STX12: variants seen among roughly 807,000 people sequenced by gnomAD.
The protein encoded by STX12 is syntaxin-12.
In STX12, 17 loss-of-function variants were observed where a neutral mutation model predicts 42.2. That is an observed-to-expected ratio of 0.40 (90% CI 0.28 to 0.60). The LOEUF is 0.60. STX12 is among the 20% of genes least tolerant of loss of function. The pLI, the probability that STX12 is intolerant of heterozygous loss-of-function variation, is 0.39. For missense variants in STX12, 297 were observed against 330.9 expected (o/e 0.90, Z 0.79); for synonymous variants, 108 against 116.7 (o/e 0.93, Z 0.48).
intron 8 of STX12, among the ~76,000 whole-genome samples, chr1:27,821,452 G>A (rs559397994): frequency 3.9e-5 from 6 of 151,938 alleles, no homozygotes; most frequent in Non-Finnish European, 8.8e-5. Context: ...ATCATACAAT[G>A]TGATCCAGTT....
intron 1 of STX12, among the ~76,000 whole-genome samples, chr1:27,777,954 A>G (rs1439796062): frequency 6.6e-6 from 1 of 152,096 alleles, no homozygotes; most frequent in Admixed American, 6.5e-5. Context: ...GAAATCTGAA[A>G]TTGATGGGAT....
chr1:27,804,582 C>T (rs1275159255), intron 4 of STX12, among the ~76,000 whole-genome samples: 5 of 151,554 alleles, frequency 3.3e-5, no homozygotes, highest in African/African-American at 9.7e-5. Flanking sequence ...GAGGCTGAGG[C>T]GGGCAGATCA....
At position 27,824,023 on chromosome 1, in the gene STX12, G is replaced by A. The variant is rs1571537150; in HGVS notation, c.*1694G>A. ...TATATCGGTACGTCTGAGCCCAAGA[G>A]TTCAAGATCAGCCTGGGCAGTATAG... On this transcript the variant is annotated 3_prime_UTR_variant, in exon 9 of 9. Coordinates refer to ENST00000373943, the MANE Select transcript of STX12 (RefSeq NM_177424.3). 2 of 152,020 alleles carry A rather than the reference G, an allele frequency of 1.3e-5. No homozygotes were observed. Among genetic ancestry groups the A allele is most frequent in the South Asian group, 4.2e-4 (2 of 4,808 alleles). The allele number at this position is 152,020 out of a possible 1,614,324, so 9.4% of individuals were successfully genotyped here.
intron 1 of STX12, among the ~76,000 whole-genome samples, chr1:27,783,097 G>T (rs1410301822): frequency 7.2e-6 from 1 of 139,554 alleles, no homozygotes; most frequent in Non-Finnish European, 1.5e-5. Flanking sequence ...AATATAATTT[G>T]ACTTTGATTT....
intron 6 of STX12, among the ~76,000 whole-genome samples, chr1:27,817,159 A>G (rs948262337): frequency 2.6e-5 from 4 of 152,286 alleles, no homozygotes; most frequent in Admixed American, 6.5e-5. Context: ...GGATTTTGCC[A>G]ATGTTAAATT....
chr1:27,807,009 AT>A (rs2088866638), intron 4 of STX12, among the ~76,000 whole-genome samples: 1 of 152,080 alleles, frequency 6.6e-6, no homozygotes, highest in African/African-American at 2.4e-5. Context: ...TCGAGACGAG[AT>A]TTGAGTGGGG....
intron 3 of STX12, among the ~76,000 whole-genome samples, chr1:27,800,327 G>A (rs538984580): frequency 7.2e-5 from 11 of 152,116 alleles, no homozygotes; most frequent in African/African-American, 2.7e-4. Flanking sequence ...GATTATTCCT[G>A]CCCTCTGAAC....
chr1:27,790,948 A>AT (rs968525843), intron 2 of STX12, among the ~76,000 whole-genome samples: 8 of 151,008 alleles, frequency 5.3e-5, no homozygotes, highest in Non-Finnish European at 1.0e-4. Flanking sequence ...TCTCAAAAAA[A>AT]TAAAAATAAA....
intron 4 of STX12, among the ~76,000 whole-genome samples, chr1:27,803,613 TGAA>T (rs2088840387): frequency 6.6e-6 from 1 of 151,864 alleles, no homozygotes; most frequent in Non-Finnish European, 1.5e-5. Flanking sequence ...CAGAAAGAAA[TGAA>T]GAACAAAAAA....
In STX12 at chr1:27,823,259, A is replaced by G. The variant is rs1424250690; in HGVS notation, c.*930A>G. Reference sequence around the variant, plus strand: ...CCCTACCTTATAAGGGTTGCTGGGCATTTGAAGGCAGGAAGATTTTTAAAG... The same window carrying G: ...CCCTACCTTATAAGGGTTGCTGGGCGTTTGAAGGCAGGAAGATTTTTAAAG... On this transcript the variant is annotated 3_prime_UTR_variant, in exon 9 of 9. Coordinates refer to ENST00000373943, the MANE Select transcript of STX12 (RefSeq NM_177424.3). 8 of 152,370 alleles carry G rather than the reference A, an allele frequency of 5.3e-5. No individual in the cohort carries two copies. The highest frequency in any genetic ancestry group is 1.2e-4 in the Non-Finnish European group (8 of 68,036). The allele number at this position is 152,370 out of a possible 1,614,324, so 9.4% of individuals were successfully genotyped here.
intron 6 of STX12, among the ~76,000 whole-genome samples, chr1:27,813,924 A>G (rs374206320): frequency 5.3e-5 from 8 of 151,978 alleles, no homozygotes; most frequent in South Asian, 2.1e-4. Context: ...TTTTTGAGTC[A>G]GAGTCTTACT....
At chr1:27,790,685 T>G (rs995497463) in intron 2 of STX12, among the ~76,000 whole-genome samples, 3 of 152,210 alleles carry the variant, frequency 2.0e-5, no homozygotes, top group African/African-American at 7.2e-5. Context: ...CTCATGCCTG[T>G]AATCCCAGCA....
intron 8 of STX12, chr1:27,820,468 C>T (rs974506086): frequency 3.3e-5 from 5 of 152,220 alleles, no homozygotes; most frequent in Non-Finnish European, 7.3e-5. Context: ...GTTGCCTGTT[C>T]ACTCTGATGG....
Position 27,810,294 on chromosome 1 carries a change from T to C in STX12, c.470+5T>C, listed in dbSNP as rs769173899. On this transcript the variant is annotated splice_donor_5th_base_variant and intron_variant, in intron 5 of 8. Transcript: ENST00000373943. ...GCAGCTGGTCTCATTTGACAGGTAA[T>C]AGAATTATTCATACAACCTGCTGGA... 17 of 1,612,012 alleles carry C rather than the reference T, an allele frequency of 1.1e-5. No homozygotes were observed. Among genetic ancestry groups the C allele is most frequent in the Non-Finnish European group, 1.1e-5 (13 of 1,178,394 alleles).
chr1:27,804,547 C>G (rs1000708187), intron 4 of STX12, among the ~76,000 whole-genome samples: 1 of 151,720 alleles, frequency 6.6e-6, no homozygotes, highest in Non-Finnish European at 1.5e-5. Flanking sequence ...CGTGGTGGCT[C>G]ACGCCTGTAA....
chr1:27,821,980 G>A (rs1032794772), intron 8 of STX12, among the ~76,000 whole-genome samples: 34 of 151,858 alleles, frequency 2.2e-4, no homozygotes, highest in African/African-American at 7.0e-4. Context: ...ATCGCACCAC[G>A]GCACTCCAGC....
At chr1:27,817,324 C>G (rs2088950854) in intron 6 of STX12, among the ~76,000 whole-genome samples, 1 of 152,174 alleles carries the variant, frequency 6.6e-6, no homozygotes, top group African/African-American at 2.4e-5. Flanking sequence ...TTGGGAGTTA[C>G]CATAGGGCAT....
intron 8 of STX12, among the ~76,000 whole-genome samples, chr1:27,820,764 G>A (rs2088978368): frequency 1.3e-5 from 2 of 151,906 alleles, no homozygotes; most frequent in African/African-American, 4.8e-5. Context: ...GCAAAGACTT[G>A]GAACCAACCC....
chr1:27,773,428 G>C lies in STX12; in HGVS notation c.118+3G>C. The C allele has an allele frequency of 6.2e-7, 1 of 1,613,378 alleles. No individual in the cohort carries two copies. The highest frequency in any genetic ancestry group is 8.5e-7 in the Non-Finnish European group (1 of 1,179,460). ...CATCCAGCGGATCAGCCAAGCCAGT[G>C]AGCCGGGGTACCGAGCTGGGGGGCG... On this transcript the variant is annotated splice_donor_region_variant and intron_variant, in intron 1 of 8. Transcript: ENST00000373943.
Sources: gnomAD v4.1 joint callset for allele counts (sites outside exome capture counted in the v4.1 genomes callset) on GRCh38, gnomAD v4.1.1 for gene constraint, MANE v1.5 for transcripts, NCBI Gene and HGNC (gene_info 2026-07-23, HGNC 2026-07-21) for gene names.